CA10: variants seen among roughly 807,000 people sequenced by gnomAD.
The protein encoded by CA10 is carbonic anhydrase-related protein 10.
A neutral mutation model predicts 44.2 loss-of-function variants in CA10; 14 were observed. The observed-to-expected ratio is 0.32, with a 90% confidence interval of 0.21 to 0.50. CA10 has a LOEUF of 0.50. CA10 is among the 20% of genes least tolerant of loss of function. CA10 has a pLI of 0.99. For synonymous variants in CA10, 159 were observed against 141.6 expected (o/e 1.12, Z -0.87); for missense variants, 350 against 409.7 (o/e 0.85, Z 1.26).
intron 2 of CA10, among the ~76,000 whole-genome samples, chr17:52,048,842 T>C (rs1986984193): frequency 6.6e-6 from 1 of 151,880 alleles, no homozygotes; most frequent in Non-Finnish European, 1.5e-5. Flanking sequence ...CCAGGAGAGA[T>C]GTGTAGACAT....
At chr17:51,916,735 A>G (rs1982013960) in intron 3 of CA10, among the ~76,000 whole-genome samples, 1 of 152,186 alleles carries the variant, frequency 6.6e-6, no homozygotes, top group South Asian at 2.1e-4. Context: ...AGAGGAATTA[A>G]GATGAAAGTA....
In CA10 at chr17:51,889,278, T is replaced by A. The variant is rs563376806; in HGVS notation, c.279+41712A>T. ...GGCTCATGCATGTCATCCTAACACT[T>A]TGGGAGGCTGGAGAAGGCAGATTGC... On this transcript the variant is annotated intron_variant, in intron 3 of 8. Transcript: ENST00000451037. Among the ~76,000 whole-genome samples the A allele has an allele frequency of 1.8e-4, 27 of 152,152 alleles. 1 individual carries two copies. The East Asian group carries it at 2.1e-3, about 12-fold the overall frequency.
At chr17:51,702,778 AG>A (rs60846143) in intron 4 of CA10, among the ~76,000 whole-genome samples, 19,440 of 152,162 alleles carry the variant, frequency 0.13, 1,494 homozygotes, top group East Asian at 0.27. Flanking sequence ...CTGTGTCCAG[AG>A]GGTCCCTGGT....
At chr17:51,855,028 G>A (rs1009608692) in intron 3 of CA10, among the ~76,000 whole-genome samples, 1 of 152,184 alleles carries the variant, frequency 6.6e-6, no homozygotes, top group Non-Finnish European at 1.5e-5. Flanking sequence ...TGGTTCTGGG[G>A]AAGGTTGAGT....
chr17:52,146,412 C>T (rs998460433), intron 1 of CA10, among the ~76,000 whole-genome samples: 16 of 151,998 alleles, frequency 1.1e-4, no homozygotes, highest in African/African-American at 3.1e-4. Flanking sequence ...AAAAATAGGC[C>T]GGGCGCGGTG....
chr17:51,756,317 G>C (rs975348487), intron 3 of CA10, among the ~76,000 whole-genome samples: 1 of 152,116 alleles, frequency 6.6e-6, no homozygotes, highest in Non-Finnish European at 1.5e-5. Flanking sequence ...GCTCAAAGGG[G>C]TTAAAGGATT....
chr17:51,938,942 A>C (rs1295205040), intron 2 of CA10, among the ~76,000 whole-genome samples: 4 of 152,024 alleles, frequency 2.6e-5, no homozygotes, highest in Non-Finnish European at 5.9e-5. Context: ...CTTTAAAACA[A>C]ACAAAGAAAA....
chr17:51,758,112 T>G (rs753240119), intron 3 of CA10, among the ~76,000 whole-genome samples: 1 of 152,074 alleles, frequency 6.6e-6, no homozygotes, highest in Non-Finnish European at 1.5e-5. Flanking sequence ...TAATGCTAAG[T>G]TTACGCTGAT....
At chr17:52,131,831 T>TA (rs1375230682) in intron 1 of CA10, among the ~76,000 whole-genome samples, 1 of 152,130 alleles carries the variant, frequency 6.6e-6, no homozygotes, top group African/African-American at 2.4e-5. Flanking sequence ...TATGCAGCCA[T>TA]AAAAAATGAT....
chr17:51,873,808 T>G (rs533595265), intron 3 of CA10, among the ~76,000 whole-genome samples: 3 of 152,302 alleles, frequency 2.0e-5, no homozygotes, highest in Admixed American at 2.0e-4. Flanking sequence ...GCCTAGTGTT[T>G]TTCTTCAGCC....
intron 3 of CA10, among the ~76,000 whole-genome samples, chr17:51,878,871 TATATATATATATA>T (rs1980220239): frequency 2.6e-4 from 7 of 26,634 alleles, no homozygotes; most frequent in East Asian, 5.2e-3. Context: ...TATATATATA[TATATATATATATA>T]TATATATGGG....
chr17:51,943,688 G>C (rs1421679652), intron 2 of CA10, among the ~76,000 whole-genome samples: 1 of 152,150 alleles, frequency 6.6e-6, no homozygotes, highest in East Asian at 1.9e-4. Flanking sequence ...ATAAGTCTAT[G>C]GCGGGATCCA....
intron 4 of CA10, among the ~76,000 whole-genome samples, chr17:51,716,146 C>T (rs779617233): frequency 9.9e-5 from 15 of 152,000 alleles, no homozygotes; most frequent in African/African-American, 2.2e-4. Flanking sequence ...CTATACAAAA[C>T]GCTGTGAAAA....
chr17:51,872,329 G>A (rs192641562), intron 3 of CA10, among the ~76,000 whole-genome samples: 1 of 152,276 alleles, frequency 6.6e-6, no homozygotes, highest in East Asian at 1.9e-4. Flanking sequence ...CCAGCAAAGT[G>A]TCTTGAATCA....
intron 3 of CA10, among the ~76,000 whole-genome samples, chr17:51,777,817 T>C (rs1905887779): frequency 6.6e-6 from 1 of 152,122 alleles, no homozygotes; most frequent in Admixed American, 6.5e-5. Context: ...CTGTGGTCCC[T>C]GCTACTCTGG....
At chr17:51,800,174 G>A (rs1906869943) in intron 3 of CA10, among the ~76,000 whole-genome samples, 1 of 152,092 alleles carries the variant, frequency 6.6e-6, no homozygotes, top group African/African-American at 2.4e-5. Flanking sequence ...GACACAGAAA[G>A]GAATGAAGTA....
intron 4 of CA10, among the ~76,000 whole-genome samples, chr17:51,735,448 G>A (rs1178417971): frequency 3.9e-5 from 6 of 152,082 alleles, no homozygotes; most frequent in African/African-American, 1.4e-4. Flanking sequence ...CAGTACCTGG[G>A]TGATGGGATC....
chr17:51,755,179 AG>A (rs1009572103), intron 3 of CA10, among the ~76,000 whole-genome samples: 1 of 152,234 alleles, frequency 6.6e-6, no homozygotes, highest in Non-Finnish European at 1.5e-5. Context: ...AGAACAAGGC[AG>A]GTTTATCCTT....
chr17:51,808,997 A>G (rs1365792724), intron 3 of CA10, among the ~76,000 whole-genome samples: 2 of 152,138 alleles, frequency 1.3e-5, no homozygotes, highest in Non-Finnish European at 2.9e-5. Flanking sequence ...AGTTTCTCAT[A>G]TTACTAATAA....
Sources: gnomAD v4.1 joint callset for allele counts (sites outside exome capture counted in the v4.1 genomes callset) on GRCh38, gnomAD v4.1.1 for gene constraint, MANE v1.5 for transcripts, NCBI Gene and HGNC (gene_info 2026-07-23, HGNC 2026-07-21) for gene names.